PLCL2: variants seen among roughly 807,000 people sequenced by gnomAD.
The protein encoded by PLCL2 is phospholipase C like 2.
In PLCL2, 4 loss-of-function variants were observed where a neutral mutation model predicts 79.6. That is an observed-to-expected ratio of 0.05 (90% CI 0.02 to 0.11). The LOEUF (loss-of-function observed/expected upper bound fraction) is 0.11, where lower values mean the gene tolerates loss of function less well. Ranked by LOEUF, PLCL2 falls within the 10% of genes least tolerant of loss-of-function variation. The probability of loss-of-function intolerance (pLI) is 1.00; values close to 1 mark genes in which losing one functional copy is unlikely to be tolerated. For missense variants in PLCL2, 895 were observed against 1,291.0 expected (o/e 0.69, Z 4.70); for synonymous variants, 484 against 457.7 (o/e 1.06, Z -0.73).
intron 3 of PLCL2, among the ~76,000 whole-genome samples, chr3:17,037,176 G>C (rs2064666981): frequency 6.6e-6 from 1 of 152,200 alleles, no homozygotes; most frequent in East Asian, 1.9e-4. Context: ...CTGGAGTCCA[G>C]AGAAGCAAGT....
In PLCL2 at chr3:16,887,729, A is replaced by G. The variant is rs1203348916; in HGVS notation, c.327+2363A>G. ...AACAAAGTCTTTAACATCAAATTTC[A>G]TAAAGCAACAAATACTGCACAGATA... On this transcript the variant is annotated intron_variant, in intron 1 of 5. Transcript: ENST00000615277. The surrounding 1 kb of genome is among the most constrained non-coding windows in gnomAD (Gnocchi z 4.1). Among the ~76,000 whole-genome samples the G allele has an allele frequency of 6.6e-6, 1 of 152,210 alleles. No homozygotes were observed. The highest frequency in any genetic ancestry group is 6.5e-5 in the Admixed American group (1 of 15,286).
chr3:16,898,553 C>T (rs1372225255), intron 1 of PLCL2, among the ~76,000 whole-genome samples: 1 of 152,178 alleles, frequency 6.6e-6, no homozygotes, highest in Non-Finnish European at 1.5e-5. Flanking sequence ...AGGCACATAG[C>T]CACATAGCAA....
At chr3:17,056,859 A>G (rs950564994) in intron 4 of PLCL2, among the ~76,000 whole-genome samples, 3 of 152,156 alleles carry the variant, frequency 2.0e-5, no homozygotes, top group Admixed American at 6.5e-5. Flanking sequence ...TGTTGTTAGG[A>G]AAGGAGGTGG....
chr3:17,018,384 G>A (rs569865177), intron 3 of PLCL2, among the ~76,000 whole-genome samples: 7 of 152,172 alleles, frequency 4.6e-5, no homozygotes, highest in Admixed American at 1.3e-4. Context: ...TAAATGAGGC[G>A]TCTTTGTCCC....
intron 1 of PLCL2, among the ~76,000 whole-genome samples, chr3:16,960,234 C>A (rs940732116): frequency 5.3e-5 from 8 of 152,182 alleles, no homozygotes; most frequent in Admixed American, 4.6e-4. Flanking sequence ...AATCAAGAAG[C>A]CTCACATAAA....
chr3:17,046,622 T>G (rs1286242741), intron 4 of PLCL2, among the ~76,000 whole-genome samples: 1 of 152,220 alleles, frequency 6.6e-6, no homozygotes, highest in Non-Finnish European at 1.5e-5. Context: ...CTCTAAAACC[T>G]CATTAAAATG....
intron 5 of PLCL2, among the ~76,000 whole-genome samples, chr3:17,075,564 A>AGC (rs2065101593): frequency 6.6e-6 from 1 of 150,832 alleles, no homozygotes; most frequent in Admixed American, 6.6e-5. Context: ...AAAAAAAAAA[A>AGC]TGCAGTATCT....
chr3:16,997,421 A>C (rs938802513), intron 1 of PLCL2, among the ~76,000 whole-genome samples: 3 of 145,206 alleles, frequency 2.1e-5, no homozygotes, highest in Non-Finnish European at 3.0e-5. Context: ...TTTGGAACTT[A>C]TGAGTGTTTT....
At chr3:17,006,355 T>A (rs1002322091) in intron 1 of PLCL2, among the ~76,000 whole-genome samples, 1 of 152,216 alleles carries the variant, frequency 6.6e-6, no homozygotes, top group Non-Finnish European at 1.5e-5. Context: ...CACAAGTGCT[T>A]CTGTCCTCCC....
intron 1 of PLCL2, among the ~76,000 whole-genome samples, chr3:16,910,356 C>T (rs983712962): frequency 1.3e-5 from 2 of 152,198 alleles, no homozygotes; most frequent in Admixed American, 6.5e-5. Flanking sequence ...GTTCCTAAAT[C>T]CCTCAAGTCA....
chr3:17,004,729 G>T (rs2064244078), intron 1 of PLCL2, among the ~76,000 whole-genome samples: 1 of 152,052 alleles, frequency 6.6e-6, no homozygotes. Flanking sequence ...GCTGAAGAAA[G>T]GTCAGGCCTT....
At chr3:16,899,256 A>G (rs1334131738) in intron 1 of PLCL2, among the ~76,000 whole-genome samples, 1 of 152,248 alleles carries the variant, frequency 6.6e-6, no homozygotes, top group African/African-American at 2.4e-5. Context: ...GCGTCTCAGC[A>G]GGGAGAGGAA....
At chr3:16,972,633 T>C (rs1051990196) in intron 1 of PLCL2, among the ~76,000 whole-genome samples, 1 of 152,200 alleles carries the variant, frequency 6.6e-6, no homozygotes. Context: ...TATCCAAGTC[T>C]TCATAGGTCT....
chr3:16,886,076 C>T lies in PLCL2; in HGVS notation c.327+710C>T, dbSNP rs892210731. 6.6e-6 allele frequency among the ~76,000 whole-genome samples: 1 copy of T among 152,050 alleles called. No individual in the cohort carries two copies. The highest frequency in any genetic ancestry group is 2.4e-5 in the African/African-American group (1 of 41,392). On this transcript the variant is annotated intron_variant, in intron 1 of 5. Transcript: ENST00000615277. The surrounding 1 kb of genome is among the most constrained non-coding windows in gnomAD (Gnocchi z 4.2). ...CTTGGTTTTGCTTGCACAGTGTTAG[C>T]GGAAGAAAGCCAGCGATTGTTTTGA...
chr3:16,954,634 G>C (rs1454918158), intron 1 of PLCL2, among the ~76,000 whole-genome samples: 1 of 152,080 alleles, frequency 6.6e-6, no homozygotes, highest in African/African-American at 2.4e-5. Context: ...CTAGTTTACA[G>C]TCCCACCAAC....
intron 3 of PLCL2, among the ~76,000 whole-genome samples, chr3:17,020,115 A>G (rs1575590323): frequency 6.6e-6 from 1 of 152,162 alleles, no homozygotes; most frequent in Non-Finnish European, 1.5e-5. Context: ...TTCTCTAGCT[A>G]TCTTTATTAG....
At chr3:16,890,121 G>C (rs1696312853) in intron 1 of PLCL2, among the ~76,000 whole-genome samples, 1 of 152,178 alleles carries the variant, frequency 6.6e-6, no homozygotes, top group Non-Finnish European at 1.5e-5. Context: ...GTTTTAGCCT[G>C]CTCAAAGAGC....
intron 1 of PLCL2, among the ~76,000 whole-genome samples, chr3:16,966,624 G>A (rs563748044): frequency 2.0e-5 from 3 of 151,978 alleles, no homozygotes; most frequent in Admixed American, 6.6e-5. Context: ...GGTAGAATTC[G>A]GCCGTGAATC....
intron 1 of PLCL2, among the ~76,000 whole-genome samples, chr3:16,952,387 A>AG: frequency 6.7e-6 from 1 of 149,806 alleles, no homozygotes; most frequent in East Asian, 1.9e-4. Flanking sequence ...AAAAAAAAAA[A>AG]AAAAGAACCT....
Sources: gnomAD v4.1 joint callset for allele counts (sites outside exome capture counted in the v4.1 genomes callset) on GRCh38, gnomAD v4.1.1 for gene constraint, Gnocchi (gnomAD v3.1) non-coding constraint, MANE v1.5 for transcripts, NCBI Gene and HGNC (gene_info 2026-07-23, HGNC 2026-07-21) for gene names.